Variants in MAP3K8 observed in about 807,000 individuals in gnomAD.
The protein encoded by MAP3K8 is mitogen-activated protein kinase kinase kinase 8.
In MAP3K8, 22 loss-of-function variants were observed where a neutral mutation model predicts 45.8. The ratio of observed to expected loss-of-function variants is 0.48; its 90% CI spans 0.34 to 0.69. The LOEUF is 0.69. Ranked by LOEUF, MAP3K8 falls within the 30% of genes least tolerant of loss-of-function variation. The pLI, the probability that MAP3K8 is intolerant of heterozygous loss-of-function variation, is 0.01. For missense variants in MAP3K8, 419 were observed against 585.0 expected (o/e 0.72, Z 2.93); for synonymous variants, 223 against 214.3 (o/e 1.04, Z -0.36).
At chr10:30,455,356 T>C (rs1836698287) in intron 6 of MAP3K8, among the ~76,000 whole-genome samples, 1 of 152,230 alleles carries the variant, frequency 6.6e-6, no homozygotes, top group South Asian at 2.1e-4. Flanking sequence ...TGTTAGAATT[T>C]GATCATGTGG....
chr10:30,443,187 G>T (rs1836173777), intron 3 of MAP3K8, among the ~76,000 whole-genome samples: 1 of 150,286 alleles, frequency 6.7e-6, no homozygotes, highest in Non-Finnish European at 1.5e-5. Context: ...CTCTGAAATG[G>T]ATTGGCTGTG....
At chr10:30,458,495 C>G (rs1261493073) in intron 7 of MAP3K8, among the ~76,000 whole-genome samples, 2 of 152,200 alleles carry the variant, frequency 1.3e-5, no homozygotes, top group African/African-American at 2.4e-5. Context: ...TGTAATAATG[C>G]AACACTACTT....
chr10:30,441,333 G>T (rs8176977), intron 3 of MAP3K8, among the ~76,000 whole-genome samples: 2,451 of 151,896 alleles, frequency 0.016, 69 homozygotes, highest in African/African-American at 0.055. Context: ...ATTTTTGTAT[G>T]TTTAGTAGAG....
intron 5 of MAP3K8, 94 bp from the exon 6 acceptor site, chr10:30,451,544 T>C: frequency 3.3e-6 from 2 of 603,714 alleles, no homozygotes; most frequent in Non-Finnish European, 5.8e-6. Flanking sequence ...CAGTCTTTTC[T>C]GATTGGAGAT....
At chr10:30,460,511 CT>C (rs1241455027) in intron 8 of MAP3K8, among the ~76,000 whole-genome samples, 194 bp from the exon 9 acceptor site, 2 of 152,160 alleles carry the variant, frequency 1.3e-5, no homozygotes, top group Non-Finnish European at 2.9e-5. Flanking sequence ...AATTTCTTGT[CT>C]CCATTGACTC....
At chr10:30,447,414 A>G (rs548679462) in intron 3 of MAP3K8, among the ~76,000 whole-genome samples, 3 of 152,358 alleles carry the variant, frequency 2.0e-5, no homozygotes, top group African/African-American at 7.2e-5. Context: ...CGCACATTGT[A>G]ATAGAAACAA....
rs200798807 is a variant in MAP3K8 at position 30,459,513 on chromosome 10, C to T, written c.1273+12C>T. 226 of 1,612,684 alleles carry T rather than the reference C, an allele frequency of 1.4e-4. No individual in the cohort carries two copies. In the African/African-American group the frequency reaches 2.8e-3, roughly 20 times the overall value. ...TGAGAACATTGCTGGTAGGGACACCCTGCTGTGTGCCGCACACTTACTTCC... is the reference window on the plus strand; with the variant it reads ...TGAGAACATTGCTGGTAGGGACACCTTGCTGTGTGCCGCACACTTACTTCC... On this transcript the variant is annotated intron_variant, in intron 8 of 8. Transcript: ENST00000263056.
chr10:30,446,586 A>T (rs983738365), intron 3 of MAP3K8, among the ~76,000 whole-genome samples: 4 of 151,976 alleles, frequency 2.6e-5, no homozygotes, highest in Non-Finnish European at 5.9e-5. Flanking sequence ...CTGAATTCAG[A>T]ATCAGAAGCC....
intron 2 of MAP3K8, among the ~76,000 whole-genome samples, chr10:30,437,843 G>T (rs1835963523): frequency 6.6e-6 from 1 of 152,198 alleles, no homozygotes; most frequent in Non-Finnish European, 1.5e-5. Context: ...TCAGAAAGAG[G>T]CTATGCTTTT....
chr10:30,446,182 C>T (rs527691697), intron 3 of MAP3K8, among the ~76,000 whole-genome samples: 50 of 152,242 alleles, frequency 3.3e-4, no homozygotes, highest in Admixed American at 8.5e-4. Flanking sequence ...CGTGAGCCAC[C>T]GCACCTAGTT....
intron 6 of MAP3K8, among the ~76,000 whole-genome samples, chr10:30,457,160 A>G (rs1244523466): frequency 8.5e-5 from 13 of 152,136 alleles, no homozygotes; most frequent in Non-Finnish European, 4.4e-5. Context: ...TTCTTTCTTA[A>G]GTTTAGAAAT....
intron 3 of MAP3K8, among the ~76,000 whole-genome samples, chr10:30,441,221 A>G (rs567293094): frequency 5.9e-5 from 9 of 151,836 alleles, no homozygotes; most frequent in African/African-American, 2.2e-4. Flanking sequence ...CCGTGGCGCA[A>G]TCTTGGCTCA....
At chr10:30,453,218 A>C (rs1460957470) in intron 6 of MAP3K8, among the ~76,000 whole-genome samples, 6 of 152,150 alleles carry the variant, frequency 3.9e-5, no homozygotes, top group Non-Finnish European at 7.4e-5. Context: ...TCTAACTGCT[A>C]CATAACTTTA....
chr10:30,434,588 G>T (rs544245037), intron 1 of MAP3K8: 1 of 986,010 alleles, frequency 1.0e-6, no homozygotes, highest in Non-Finnish European at 1.2e-6. Flanking sequence ...GTCTCACGGG[G>T]TGCAGACTCG....
At position 30,448,414 on chromosome 10, in the gene MAP3K8, T is replaced by TTTATTATTATTATTA. The variant is rs1554773753; in HGVS notation, c.504+486_504+500dup. ...ATGATTGAAAAGACCCTATCCCAAATTTATTATTATTATTATTATTATTAT... is the reference window on the plus strand; with the variant it reads ...ATGATTGAAAAGACCCTATCCCAAATTTATTATTATTATTATTATTATTATTATTATTATTATTAT... On this transcript the variant is annotated intron_variant, in intron 4 of 8. Coordinates refer to ENST00000263056, the MANE Select transcript of MAP3K8 (RefSeq NM_005204.4). 8.7e-4 allele frequency among the ~76,000 whole-genome samples: 119 copies of TTTATTATTATTATTA among 136,438 alleles called. 1 individual carries two copies. In the East Asian group the frequency reaches 0.012, roughly 14 times the overall value. 89.5% of individuals were successfully genotyped at this position (136,438 alleles called of 152,430 possible).
chr10:30,444,417 C>T (rs565941000), intron 3 of MAP3K8, among the ~76,000 whole-genome samples: 123 of 151,830 alleles, frequency 8.1e-4, no homozygotes, highest in Non-Finnish European at 9.3e-4. Context: ...GAGCTGAGAT[C>T]GCCCCATTGC....
In MAP3K8 at chr10:30,449,634, G is replaced by A. The variant is rs146038565; in HGVS notation, c.505-624G>A. ...CTTGGTTTCTCTTATTGTAATAAGA[G>A]AGTAGCTGGGATTACAGGCATGCAC... On this transcript the variant is annotated intron_variant, in intron 4 of 8. Coordinates refer to ENST00000263056, the MANE Select transcript of MAP3K8 (RefSeq NM_005204.4). Among the ~76,000 whole-genome samples, 507 of 152,196 alleles carry A rather than the reference G, an allele frequency of 3.3e-3. 3 individuals are homozygous for A. The highest frequency in any genetic ancestry group is 9.7e-3 in the Admixed American group (148 of 15,290).
intron 1 of MAP3K8, among the ~76,000 whole-genome samples, chr10:30,436,916 TTC>T: frequency 6.6e-6 from 1 of 151,904 alleles, no homozygotes; most frequent in Non-Finnish European, 1.5e-5. Flanking sequence ...ACCTCTGTGT[TTC>T]CAGTAAATTC....
intron 6 of MAP3K8, among the ~76,000 whole-genome samples, chr10:30,453,204 A>C (rs774218268): frequency 3.9e-5 from 6 of 152,108 alleles, no homozygotes; most frequent in Non-Finnish European, 5.9e-5. Flanking sequence ...GTCTAACCCT[A>C]AGGTCTAACT....
Sources: gnomAD v4.1 joint callset for allele counts (sites outside exome capture counted in the v4.1 genomes callset) on GRCh38, gnomAD v4.1.1 for gene constraint, MANE v1.5 for transcripts, NCBI Gene and HGNC (gene_info 2026-07-23, HGNC 2026-07-21) for gene names.